Variants in HS6ST3 observed in about 807,000 individuals in gnomAD.
The protein encoded by HS6ST3 is heparan sulfate 6-O-sulfotransferase 3, also known as heparan-sulfate 6-O-sulfotransferase 3.
A neutral mutation model predicts 36.7 loss-of-function variants in HS6ST3; 12 were observed. That is an observed-to-expected ratio of 0.33 (90% CI 0.21 to 0.53). The LOEUF is 0.53. Ranked by LOEUF, HS6ST3 falls within the 20% of genes least tolerant of loss-of-function variation. HS6ST3 has a pLI of 0.95. For missense variants in HS6ST3, 584 were observed against 640.9 expected, an observed-to-expected ratio of 0.91 and a Z score of 0.96; for synonymous variants, 240 against 257.5, an observed-to-expected ratio of 0.93 and a Z score of 0.65.
intron 1 of HS6ST3, among the ~76,000 whole-genome samples, chr13:96,643,317 C>G (rs1285257148): frequency 6.6e-6 from 1 of 151,880 alleles, no homozygotes; most frequent in Admixed American, 6.6e-5. Context: ...TACAGAACCC[C>G]AAGTCCAGCC....
chr13:96,621,952 TTAAA>T (rs2056496579), intron 1 of HS6ST3, among the ~76,000 whole-genome samples: 1 of 152,138 alleles, frequency 6.6e-6, no homozygotes, highest in African/African-American at 2.4e-5. Flanking sequence ...GAGGTGAAAC[TTAAA>T]TAAAGCAGTG....
intron 1 of HS6ST3, among the ~76,000 whole-genome samples, chr13:96,500,251 G>GT (rs1357610853): frequency 6.6e-6 from 1 of 152,126 alleles, no homozygotes; most frequent in Non-Finnish European, 1.5e-5. Flanking sequence ...GTTGTAGCAG[G>GT]TATCAGCACT....
At chr13:96,359,869 G>T (rs1014974800) in intron 1 of HS6ST3, among the ~76,000 whole-genome samples, 1 of 152,198 alleles carries the variant, frequency 6.6e-6, no homozygotes, top group Admixed American at 6.5e-5. Flanking sequence ...TCCAGCAGGA[G>T]TTGAAGGGAA....
At chr13:96,763,041 A>G (rs1277334824) in intron 1 of HS6ST3, among the ~76,000 whole-genome samples, 1 of 152,160 alleles carries the variant, frequency 6.6e-6, no homozygotes, top group East Asian at 1.9e-4. Flanking sequence ...TCTTCTTGAG[A>G]AACATGATTC....
intron 1 of HS6ST3, among the ~76,000 whole-genome samples, chr13:96,380,272 T>G (rs1215373415): frequency 6.6e-6 from 1 of 151,962 alleles, no homozygotes; most frequent in Non-Finnish European, 1.5e-5. Flanking sequence ...CACTTTTTTT[T>G]TTTTTTTTTC....
intron 1 of HS6ST3, among the ~76,000 whole-genome samples, chr13:96,120,167 T>C (rs567695160): frequency 6.6e-6 from 1 of 152,234 alleles, no homozygotes; most frequent in African/African-American, 2.4e-5. Flanking sequence ...AGCCAAGAAA[T>C]GGCAAAGATT....
intron 1 of HS6ST3, among the ~76,000 whole-genome samples, chr13:96,624,885 A>G (rs932414180): frequency 6.6e-6 from 1 of 152,180 alleles, no homozygotes; most frequent in Non-Finnish European, 1.5e-5. Context: ...GGGTTATTAA[A>G]TAGTGGGTCT....
Position 96,112,590 on chromosome 13 carries a change from T to C in HS6ST3, c.707+21021T>C, listed in dbSNP as rs1478667934. Among the ~76,000 whole-genome samples, 211 of 58,740 alleles carry C rather than the reference T, an allele frequency of 3.6e-3. 30 individuals are homozygous for C. The highest frequency in any genetic ancestry group is 0.028 in the Middle Eastern group (3 of 108). The allele number at this position is 58,740 out of a possible 152,430, so 38.5% of individuals were successfully genotyped here. A position where few individuals can be genotyped will look rare whatever the true frequency, so the allele number is the denominator to read the frequency against. On this transcript the variant is annotated intron_variant, in intron 1 of 1. Transcript: ENST00000376705. ...TCTAAAATAAATAAATATATATATA[T>C]ATATATATATATATATATATATATA...
rs148868482 is a variant in HS6ST3, at chr13:96,110,675, C to T, written c.707+19106C>T. ...TCCTGACCTCCTGATCCCCCCGCCT[C>T]GGCCTCCCAAAGTGTTGGGATTACA... On this transcript the variant is annotated intron_variant, in intron 1 of 1. Transcript: ENST00000376705. 1.6e-3 allele frequency among the ~76,000 whole-genome samples: 238 copies of T among 152,230 alleles called. 3 individuals are homozygous for T. In the East Asian group the frequency reaches 0.04, roughly 25 times the overall value.
rs911698665 is a variant in HS6ST3 at position 96,698,030 on chromosome 13, T to G, written c.708-134460T>G. Among the ~76,000 whole-genome samples, 3 of 152,064 alleles carry G rather than the reference T, an allele frequency of 2.0e-5. No individual in the cohort carries two copies. The East Asian group carries it at 5.8e-4, about 29-fold the overall frequency. ...AGGATGTAATATGTTTTTATACTTT[T>G]ATTTTTATTTATTTATTTATTTTTA... is the stretch of plus-strand genomic sequence containing the variant. On this transcript the variant is annotated intron_variant, in intron 1 of 1. Transcript: ENST00000376705.
rs573908552 is a variant in HS6ST3 at position 96,450,597 on chromosome 13, A to G, written c.707+359028A>G. On this transcript the variant is annotated intron_variant, in intron 1 of 1. Coordinates refer to ENST00000376705, the MANE Select transcript of HS6ST3 (RefSeq NM_153456.4). ...CTTTCATTCTTTAGTACAAATATTT[A>G]TCAGTTTCACAAGAAGTTGAGATGA... Among the ~76,000 whole-genome samples the G allele has an allele frequency of 3.3e-5, 5 of 152,308 alleles. No individual in the cohort carries two copies. The South Asian group carries it at 6.2e-4, about 19-fold the overall frequency.
intron 1 of HS6ST3, among the ~76,000 whole-genome samples, chr13:96,103,351 G>A (rs1343432596): frequency 3.3e-5 from 5 of 152,098 alleles, no homozygotes; most frequent in African/African-American, 7.2e-5. Context: ...TCACTTACTC[G>A]TTCACTTATT....
intron 1 of HS6ST3, among the ~76,000 whole-genome samples, chr13:96,620,761 C>G (rs141700688): frequency 8.8e-4 from 134 of 151,932 alleles, no homozygotes; most frequent in Non-Finnish European, 1.6e-3. Context: ...TCTAATTCCA[C>G]AAATGCTTCA....
At chr13:96,615,358 A>G (rs1427715262) in intron 1 of HS6ST3, among the ~76,000 whole-genome samples, 1 of 152,162 alleles carries the variant, frequency 6.6e-6, no homozygotes, top group Non-Finnish European at 1.5e-5. Context: ...ACAGGATCTG[A>G]TGAGTTCAGC....
At chr13:96,652,572 T>A (rs541737255) in intron 1 of HS6ST3, among the ~76,000 whole-genome samples, 1 of 152,172 alleles carries the variant, frequency 6.6e-6, no homozygotes, top group African/African-American at 2.4e-5. Context: ...CATCACCTTG[T>A]GCTGAATTGT....
intron 1 of HS6ST3, among the ~76,000 whole-genome samples, chr13:96,652,115 C>T (rs973025218): frequency 1.3e-5 from 2 of 151,924 alleles, no homozygotes; most frequent in East Asian, 1.9e-4. Context: ...TGTATACACA[C>T]ATCTGTGTAT....
At chr13:96,235,739 G>A (rs1026070098) in intron 1 of HS6ST3, among the ~76,000 whole-genome samples, 4 of 151,936 alleles carry the variant, frequency 2.6e-5, no homozygotes, top group African/African-American at 7.3e-5. Context: ...ATCCCTCTTC[G>A]TTAATTGAAG....
intron 1 of HS6ST3, among the ~76,000 whole-genome samples, chr13:96,433,716 C>T (rs1284266025): frequency 6.6e-6 from 1 of 152,108 alleles, no homozygotes; most frequent in Non-Finnish European, 1.5e-5. Context: ...TGGAGGATCA[C>T]CTGAGGTCCG....
intron 1 of HS6ST3, among the ~76,000 whole-genome samples, chr13:96,335,995 A>G (rs1382715828): frequency 1.3e-5 from 2 of 152,148 alleles, no homozygotes; most frequent in Admixed American, 1.3e-4. Flanking sequence ...GTATTTTCTT[A>G]GTTATTTATG....
Sources: allele counts gnomAD v4.1 joint callset (sites outside exome capture counted in the v4.1 genomes callset), GRCh38; gene constraint gnomAD v4.1.1; transcripts MANE v1.5; gene names NCBI Gene and HGNC (gene_info 2026-07-23, HGNC 2026-07-21).